Variants in ZFR2 observed in about 807,000 individuals in gnomAD.
ZFR2 encodes zinc finger RNA-binding protein 2.
Under a neutral mutation model 105.7 loss-of-function variants are expected in ZFR2, and 104 were observed. The ratio of observed to expected loss-of-function variants is 0.98; its 90% confidence interval spans 0.84 to 1.16. ZFR2 has a LOEUF of 1.16. Among genes scored for constraint, ZFR2 ranks in the 50% most tolerant of loss-of-function variants. ZFR2 has a pLI of 0.00. For missense variants in ZFR2, 1,425 were observed against 1,355.5 expected (o/e 1.05, Z -0.80); for synonymous variants, 634 against 597.7 (o/e 1.06, Z -0.89).
Position 3,834,870 on chromosome 19 carries a change from C to A in ZFR2, c.167G>T (p.Gly56Val), listed in dbSNP as rs1335463931. 1 of 1,611,804 alleles carries A rather than the reference C, an allele frequency of 6.2e-7. No individual in the cohort carries two copies. The highest frequency in any genetic ancestry group is 1.1e-5 in the South Asian group (1 of 90,718). Residue 56 changes from glycine (G) to valine (V), a missense_variant, in exon 2 of 19, where the codon GGG (glycine) becomes GTG (valine). Transcript: ENST00000262961. This position sits in a 1 kb window ranked among gnomAD's most constrained non-coding sequence, Gnocchi z 5.3. ...NPAFPPAAPA[G>V]YGGYQPHSGQ... Reference sequence around the variant, plus strand: ...GGAGTGGGGCTGGTATCCACCGTACCCTGCCGGGGCAGCTGGGGGAAAGGC... The same window carrying A: ...GGAGTGGGGCTGGTATCCACCGTACACTGCCGGGGCAGCTGGGGGAAAGGC...
chr19:3,868,560 T>G (rs1369359166), intron 1 of ZFR2, among the ~76,000 whole-genome samples: 1 of 111,814 alleles, frequency 8.9e-6, no homozygotes, highest in Non-Finnish European at 1.9e-5. Context: ...TTCCGTCCCC[T>G]CCCCTCCTCG....
intron 1 of ZFR2, among the ~76,000 whole-genome samples, chr19:3,848,604 G>A (rs2038205778): frequency 6.6e-6 from 1 of 152,106 alleles, no homozygotes; most frequent in Non-Finnish European, 1.5e-5. Context: ...CTCCTCAGGA[G>A]GCTGAGGCAG....
Position 3,823,191 on chromosome 19 carries a change from C to T in ZFR2, c.1371+55G>A, listed in dbSNP as rs2037913548. On this transcript the variant is annotated intron_variant, in intron 8 of 18. Coordinates refer to ENST00000262961, the MANE Select transcript of ZFR2 (RefSeq NM_015174.2). The surrounding 1 kb of genome is among the most constrained non-coding windows in gnomAD (Gnocchi z 5.4). The stretch of plus-strand genomic sequence containing the variant: ...GCCGGGTGAGGTCTCGAAGCCTGAT[C>T]CATGGGAAGGTCCTTCCCTGACCGG... 2 of 1,610,576 alleles carry T rather than the reference C, an allele frequency of 1.2e-6. No individual in the cohort carries two copies. Among genetic ancestry groups the T allele is most frequent in the Admixed American group, 1.7e-5 (1 of 59,918 alleles).
intron 1 of ZFR2, among the ~76,000 whole-genome samples, chr19:3,854,142 G>A (rs2038271934): frequency 2.0e-5 from 3 of 151,584 alleles, no homozygotes; most frequent in African/African-American, 7.3e-5. Flanking sequence ...TGTAATCCCA[G>A]CACTTTGGGA....
Position 3,825,322 on chromosome 19 carries a change from GCCTCTGC to G in ZFR2, c.1114_1120del (p.Ala372ProfsTer53). 1.9e-6 allele frequency: 3 copies of G among 1,585,088 alleles called. No individual in the cohort carries two copies. The highest frequency in any genetic ancestry group is 2.6e-6 in the Non-Finnish European group (3 of 1,170,224). ...GGGGCCAGTGGGGGACGTGGGCTTG[GCCTCTGC>G]CCCGGGGGGGCTCTCTGTGGCCAGT... On this transcript the variant is annotated frameshift_variant, in exon 7 of 19. Coordinates refer to ENST00000262961, the MANE Select transcript of ZFR2 (RefSeq NM_015174.2). LOFTEE classifies it high-confidence loss of function.
intron 18 of ZFR2, among the ~76,000 whole-genome samples, 185 bp from the exon 19 acceptor site, chr19:3,806,310 T>G (rs1228540730): frequency 2.0e-5 from 3 of 152,150 alleles, no homozygotes; most frequent in Non-Finnish European, 4.4e-5. Context: ...TCACCCAGGC[T>G]GGAGTGCAGT....
In ZFR2 at chr19:3,813,296, G is replaced by A. The variant is rs142444071; in HGVS notation, c.2242+524C>T. Among the ~76,000 whole-genome samples the A allele has an allele frequency of 5.5e-4, 84 of 152,300 alleles. No homozygotes were observed. The East Asian group carries it at 8.7e-3, about 16-fold the overall frequency. On this transcript the variant is annotated intron_variant, in intron 14 of 18. Coordinates refer to ENST00000262961, the MANE Select transcript of ZFR2 (RefSeq NM_015174.2). The surrounding 1 kb of genome is among the most constrained non-coding windows in gnomAD (Gnocchi z 4.4). ...ACTGATGCCTGTCTTCGCTGTGGCC[G>A]CTGGCCAAGACCCTCGCTGCCCCTA...
intron 1 of ZFR2, among the ~76,000 whole-genome samples, chr19:3,841,219 C>G (rs2038129641): frequency 6.6e-6 from 1 of 152,232 alleles, no homozygotes; most frequent in Non-Finnish European, 1.5e-5. Flanking sequence ...AAAGACCACC[C>G]CCTTCGCAAA....
intron 1 of ZFR2, among the ~76,000 whole-genome samples, chr19:3,860,498 C>G (rs539101063): frequency 6.6e-6 from 1 of 152,168 alleles, no homozygotes; most frequent in African/African-American, 2.4e-5. Flanking sequence ...GCCTGGGCGT[C>G]GAGTTTCCCG....
rs1455914919 is a variant in ZFR2 at position 3,817,368 on chromosome 19, G to C, written c.1932-523C>G. 2.0e-5 allele frequency among the ~76,000 whole-genome samples: 3 copies of C among 152,010 alleles called. No individual in the cohort carries two copies. In the East Asian group the frequency reaches 5.8e-4, roughly 29 times the overall value. On this transcript the variant is annotated intron_variant, in intron 12 of 18. Coordinates refer to ENST00000262961, the MANE Select transcript of ZFR2 (RefSeq NM_015174.2). ...GAGGTCAGGAGTTTGAGACCAGCCTGACCAACATGGCGAAAACCCATCTCT... is the reference window on the plus strand; with the variant it reads ...GAGGTCAGGAGTTTGAGACCAGCCTCACCAACATGGCGAAAACCCATCTCT...
In ZFR2 at chr19:3,833,682, C is replaced by T. The variant is rs866891369; in HGVS notation, c.361G>A (p.Ala121Thr). ...GGCTCACCTGGCTGGCCGGAGTCTG[C>T]GGCTGTCATGCGCCCAGACTGGAGG... is the stretch of plus-strand genomic sequence containing the variant. ...AALQSGRMTA[A>T]DSGQPGTQEA... The change falls in exon 3 of 19, where the codon GCA (alanine) becomes ACA (threonine). Residue 121 changes from alanine (A) to threonine (T), a missense_variant. By Grantham distance (58) the Ala-to-Thr change is moderately conservative (BLOSUM62 0). Transcript: ENST00000262961. The T allele has an allele frequency of 1.0e-5, 16 of 1,564,838 alleles. 1 individual carries two copies. The highest frequency in any genetic ancestry group is 3.8e-5 in the Admixed American group (2 of 53,130).
chr19:3,816,047 G>A (rs147723718), intron 13 of ZFR2, among the ~76,000 whole-genome samples: 324 of 151,734 alleles, frequency 2.1e-3, no homozygotes, highest in African/African-American at 7.5e-3. Flanking sequence ...GAGCCACCCC[G>A]GCTGGCCCAT....
In ZFR2 at chr19:3,816,500, C is replaced by T. The variant is rs554817026; in HGVS notation, c.2103+174G>A. On this transcript the variant is annotated intron_variant, in intron 13 of 18. Transcript: ENST00000262961. ...ACCTCAAGCGATCCACCTGCCTCAG[C>T]CTCCCTAAGTGCTGGGATTACGGAC... 2.6e-3 allele frequency among the ~76,000 whole-genome samples: 392 copies of T among 152,314 alleles called. 6 individuals are homozygous for T. Among genetic ancestry groups the T allele is most frequent in the African/African-American group, 8.9e-3 (371 of 41,566 alleles).
intron 1 of ZFR2, 34 bp from the exon 2 acceptor site, chr19:3,835,017 G>A (rs1293359790): frequency 1.3e-6 from 2 of 1,584,284 alleles, no homozygotes; most frequent in South Asian, 1.1e-5. Flanking sequence ...AGCCCCACCA[G>A]GTTAGAGCGA....
At chr19:3,857,237 C>T (rs974865189) in intron 1 of ZFR2, among the ~76,000 whole-genome samples, 4 of 151,360 alleles carry the variant, frequency 2.6e-5, no homozygotes. Context: ...ACAGGCGCAC[C>T]CCACCACGCC....
At chr19:3,867,980 G>A (rs769232969) in intron 1 of ZFR2, among the ~76,000 whole-genome samples, 16 of 149,604 alleles carry the variant, frequency 1.1e-4, no homozygotes, top group Non-Finnish European at 1.8e-4. Context: ...CTCCACACTC[G>A]AATGTTGCTG....
Position 3,831,304 on chromosome 19 carries a change from T to TG in ZFR2, c.850dup (p.Gln284ProfsTer125), listed in dbSNP as rs1186491219. 6.5e-7 allele frequency: 1 copy of TG among 1,529,676 alleles called. No individual in the cohort carries two copies. Among genetic ancestry groups the TG allele is most frequent in the Non-Finnish European group, 8.8e-7 (1 of 1,137,688 alleles). The allele number at this position is 1,529,676 out of a possible 1,614,324, so 94.8% of individuals were successfully genotyped here. On this transcript the variant is annotated frameshift_variant and splice_region_variant, in exon 5 of 19. Coordinates refer to ENST00000262961, the MANE Select transcript of ZFR2 (RefSeq NM_015174.2). LOFTEE classifies it high-confidence loss of function. ...GCCCATGGCAGGAGGGCGACTGACC[T>TG]GGGGGCCAGCGCAGCTGATCTTGCA...
At chr19:3,827,678 C>G in intron 5 of ZFR2, 25 bp from the exon 6 acceptor site, 1 of 1,564,024 alleles carries the variant, frequency 6.4e-7, no homozygotes, top group Non-Finnish European at 8.7e-7. Flanking sequence ...GAGAGGCAGC[C>G]TGGGCGGGGG....
chr19:3,820,940 AG>A lies in ZFR2; in HGVS notation c.1631+399del, dbSNP rs1376009202. Reference sequence around the variant, plus strand: ...AGGGACACCGGGGGTCGGGGGACACAGGGACACTAGAGGTCGGTGGACACAG... The same window carrying A: ...AGGGACACCGGGGGTCGGGGGACACAGGACACTAGAGGTCGGTGGACACAG... On this transcript the variant is annotated intron_variant, in intron 10 of 18. Coordinates refer to ENST00000262961, the MANE Select transcript of ZFR2 (RefSeq NM_015174.2). Among the ~76,000 whole-genome samples, 108 of 84,766 alleles carry A rather than the reference AG, an allele frequency of 1.3e-3. 22 individuals carry two copies. The highest frequency in any genetic ancestry group is 1.6e-3 in the East Asian group (4 of 2,578). The allele number at this position is 84,766 out of a possible 152,430, so 55.6% of individuals were successfully genotyped here.
Sources: allele counts gnomAD v4.1 joint callset (sites outside exome capture counted in the v4.1 genomes callset), GRCh38; gene constraint gnomAD v4.1.1; non-coding constraint Gnocchi (gnomAD v3.1); transcripts MANE v1.5; gene names NCBI Gene and HGNC (gene_info 2026-07-23, HGNC 2026-07-21).